The following DSTYK variants were observed in gnomAD, a reference collection of about 807,000 sequenced individuals.
DSTYK encodes RIP-homologous kinase.
Under a neutral mutation model 98.7 loss-of-function variants are expected in DSTYK, and 34 were observed. The ratio of observed to expected loss-of-function variants is 0.34; its 90% CI spans 0.26 to 0.46. DSTYK has a LOEUF of 0.46. DSTYK is among the 20% of genes least tolerant of loss of function. The probability of loss-of-function intolerance (pLI) is 1.00; values close to 1 mark genes in which losing one functional copy is unlikely to be tolerated. For synonymous variants in DSTYK, 462 were observed against 457.3 expected, an observed-to-expected ratio of 1.01 and a Z score of -0.13; for missense variants, 962 against 1,181.7, an observed-to-expected ratio of 0.81 and a Z score of 2.73.
At chr1:205,159,965 G>A in intron 8 of DSTYK, 149 bp downstream of exon 8, 1 of 967,204 alleles carries the variant, frequency 1.0e-6, no homozygotes, top group Non-Finnish European at 1.6e-6. Flanking sequence ...AGCAAAGACA[G>A]TAAAGGCCTG....
chr1:205,154,056 CGT>C (rs34909035), intron 10 of DSTYK, among the ~76,000 whole-genome samples: 68,935 of 143,264 alleles, frequency 0.48, 17,536 homozygotes, highest in Non-Finnish European at 0.6. Context: ...AGTATGCACA[CGT>C]GTGTGTGTGT....
intron 2 of DSTYK, among the ~76,000 whole-genome samples, chr1:205,178,602 T>C (rs1658302506): frequency 6.6e-6 from 1 of 152,202 alleles, no homozygotes; most frequent in Admixed American, 6.5e-5. Context: ...AAGAACGTTC[T>C]CTCTAATAAG....
At chr1:205,203,036 T>C (rs1659088068) in intron 1 of DSTYK, among the ~76,000 whole-genome samples, 1 of 152,096 alleles carries the variant, frequency 6.6e-6, no homozygotes, top group South Asian at 2.1e-4. Context: ...AAACAAAATA[T>C]AAAAACCAGA....
intron 10 of DSTYK, among the ~76,000 whole-genome samples, chr1:205,154,397 G>C (rs956938934): frequency 2.0e-5 from 3 of 152,188 alleles, no homozygotes; most frequent in African/African-American, 4.8e-5. Flanking sequence ...CCTGATGGGA[G>C]GTAAGGGGTT....
chr1:205,168,740 G>A (rs1309197353), intron 3 of DSTYK, among the ~76,000 whole-genome samples: 1 of 152,208 alleles, frequency 6.6e-6, no homozygotes, highest in Non-Finnish European at 1.5e-5. Flanking sequence ...GTGGGCTTCA[G>A]AAGCAGCCTG....
chr1:205,205,669 T>C (rs1659178345), intron 1 of DSTYK, among the ~76,000 whole-genome samples: 1 of 152,124 alleles, frequency 6.6e-6, no homozygotes, highest in Non-Finnish European at 1.5e-5. Context: ...AGTCTCGAGC[T>C]CCTGACCTCA....
At chr1:205,205,200 T>G (rs184122529) in intron 1 of DSTYK, among the ~76,000 whole-genome samples, 1 of 152,246 alleles carries the variant, frequency 6.6e-6, no homozygotes, top group East Asian at 1.9e-4. Flanking sequence ...AAACAGATGA[T>G]AGCAAACTAC....
chr1:205,201,405 CAA>C (rs67120994), intron 1 of DSTYK, among the ~76,000 whole-genome samples: 205 of 95,432 alleles, frequency 2.1e-3, no homozygotes, highest in African/African-American at 7.8e-3. Context: ...TTTTTTAATG[CAA>C]AAAAAAAAAA....
chr1:205,188,268 A>C (rs1658614833), intron 1 of DSTYK, among the ~76,000 whole-genome samples: 1 of 152,144 alleles, frequency 6.6e-6, no homozygotes, highest in Non-Finnish European at 1.5e-5. Context: ...TAATACTTGA[A>C]CTCAGATTAC....
intron 1 of DSTYK, among the ~76,000 whole-genome samples, chr1:205,191,577 A>G (rs1455981524): frequency 2.0e-5 from 3 of 152,160 alleles, no homozygotes; most frequent in Non-Finnish European, 4.4e-5. Flanking sequence ...TGAAAGACCA[A>G]TGATGTGAGG....
At chr1:205,209,097 TGAA>T (rs1659288899) in intron 1 of DSTYK, among the ~76,000 whole-genome samples, 1 of 152,066 alleles carries the variant, frequency 6.6e-6, no homozygotes, top group Non-Finnish European at 1.5e-5. Flanking sequence ...GCCAATGAAG[TGAA>T]ATGCAAAGGT....
At chr1:205,203,587 A>AGGGG (rs1659113426) in intron 1 of DSTYK, among the ~76,000 whole-genome samples, 6 of 55,190 alleles carry the variant, frequency 1.1e-4, no homozygotes, top group African/African-American at 4.9e-4. Context: ...AGGGGAGGGG[A>AGGGG]AGGGAGGGGG....
rs1394668764 is a variant in DSTYK, at chr1:205,169,770, G to A, written c.717C>T (p.Asp239=). 6 of 1,614,088 alleles carry A rather than the reference G, an allele frequency of 3.7e-6. No homozygotes were observed. Among genetic ancestry groups the A allele is most frequent in the Non-Finnish European group, 5.1e-6 (6 of 1,180,040 alleles). The change falls in exon 3 of 13, where the codon GAC becomes GAT. Residue 239 remains aspartate, a synonymous_variant. Transcript: ENST00000367162. The surrounding 1 kb of genome is among the most constrained non-coding windows in gnomAD (Gnocchi z 4.0). ...TCACAGGCAAGAAATCATTCACCAAGTCACCCAGAACATCCACTGTGGGCC... is the reference window on the plus strand; with the variant it reads ...TCACAGGCAAGAAATCATTCACCAAATCACCCAGAACATCCACTGTGGGCC... The part of the protein sequence containing the change: ...GLRPTVDVLG[D]LVNDFLPVIT...
intron 9 of DSTYK, among the ~76,000 whole-genome samples, chr1:205,159,134 G>A (rs1488195095): frequency 6.6e-6 from 1 of 151,910 alleles, no homozygotes; most frequent in Non-Finnish European, 1.5e-5. Context: ...TGTCACCCAG[G>A]CTAGGGTGCA....
intron 1 of DSTYK, among the ~76,000 whole-genome samples, chr1:205,194,527 T>G (rs2102463899): frequency 6.8e-6 from 1 of 147,292 alleles, no homozygotes; most frequent in South Asian, 2.2e-4. Flanking sequence ...CCTCCTTCAG[T>G]AGTTTTAAAA....
intron 1 of DSTYK, among the ~76,000 whole-genome samples, chr1:205,200,992 G>A (rs1317203064): frequency 2.0e-5 from 3 of 151,706 alleles, no homozygotes; most frequent in Non-Finnish European, 2.9e-5. Flanking sequence ...TGCAACCTCC[G>A]CCTCCCAGGT....
chr1:205,162,794 G>T, intron 5 of DSTYK, 129 bp downstream of exon 5: 1 of 709,184 alleles, frequency 1.4e-6, no homozygotes, highest in Non-Finnish European at 2.5e-6. Context: ...CTCCCAGGCA[G>T]GCAAACCAGA....
At position 205,159,490 on chromosome 1, in the gene DSTYK, G is replaced by C. The variant is rs927691993; in HGVS notation, c.2238+57C>G. On this transcript the variant is annotated intron_variant, in intron 9 of 12. Transcript: ENST00000367162. ...GCTCTTAATAAACAGGAGAGGATGA[G>C]TGGCCAGAAAGGAACCCGTGGATTT... The C allele has an allele frequency of 3.2e-6, 5 of 1,556,192 alleles. No individual in the cohort carries two copies. The Admixed American group carries it at 9.7e-5, about 30-fold the overall frequency.
At chr1:205,180,462 C>T (rs10900460) in intron 2 of DSTYK, among the ~76,000 whole-genome samples, 24,730 of 151,990 alleles carry the variant, frequency 0.16, 2,761 homozygotes, top group East Asian at 0.44. Context: ...TTTATGGCCA[C>T]ACAGGATGTT....
Sources: gnomAD v4.1 joint callset for allele counts (sites outside exome capture counted in the v4.1 genomes callset) on GRCh38, gnomAD v4.1.1 for gene constraint, Gnocchi (gnomAD v3.1) non-coding constraint, MANE v1.5 for transcripts, NCBI Gene and HGNC (gene_info 2026-07-23, HGNC 2026-07-21) for gene names.